RGS6: variants seen among roughly 807,000 people sequenced by gnomAD.
RGS6 encodes the protein regulator of G-protein signaling 6.
RGS6 carries 30 observed loss-of-function variants against 78.5 expected under a neutral mutation model. The observed-to-expected ratio is 0.38, with a 90% CI of 0.29 to 0.52. The LOEUF (loss-of-function observed/expected upper bound fraction) is 0.52. Ranked by LOEUF, RGS6 falls within the 20% of genes least tolerant of loss-of-function variation. The probability of loss-of-function intolerance (pLI) is 0.85; values close to 1 mark genes in which losing one functional copy is unlikely to be tolerated. For synonymous variants in RGS6, 206 were observed against 206.0 expected, an observed-to-expected ratio of 1.00 and a Z score of 0.00; for missense variants, 495 against 609.7, an observed-to-expected ratio of 0.81 and a Z score of 1.98.
intron 2 of RGS6, among the ~76,000 whole-genome samples, chr14:71,982,402 C>T (rs12896825): frequency 0.15 from 23,270 of 152,200 alleles, 2,169 homozygotes; most frequent in Non-Finnish European, 0.2. Context: ...TACGTTACTT[C>T]TGAGAGAACT....
intron 3 of RGS6, among the ~76,000 whole-genome samples, chr14:72,390,925 C>T (rs1370636464): frequency 6.6e-6 from 1 of 152,176 alleles, no homozygotes; most frequent in Non-Finnish European, 1.5e-5. Flanking sequence ...CTGGCTTCTT[C>T]CTTTTGGAGC....
intron 2 of RGS6, among the ~76,000 whole-genome samples, chr14:72,053,781 G>A (rs1338837453): frequency 6.6e-6 from 1 of 152,166 alleles, no homozygotes; most frequent in Non-Finnish European, 1.5e-5. Context: ...ATCTCTCCAC[G>A]AAATTGATCT....
rs549995042 is a variant in RGS6 at position 72,343,727 on chromosome 14, C to T, written c.85-8368C>T. Among the ~76,000 whole-genome samples, 3 of 152,308 alleles carry T rather than the reference C, an allele frequency of 2.0e-5. No individual in the cohort carries two copies. In the East Asian group the frequency reaches 5.8e-4, roughly 30 times the overall value. On this transcript the variant is annotated intron_variant, in intron 2 of 17. Coordinates refer to ENST00000553525, the MANE Select transcript of RGS6 (RefSeq NM_001204424.2). Reference sequence around the variant, plus strand: ...CAGCTGATGTGGTGATCCATGGAGCCAGCTCTGGTTCATGCCAATAATCTC... The same window carrying T: ...CAGCTGATGTGGTGATCCATGGAGCTAGCTCTGGTTCATGCCAATAATCTC...
intron 15 of RGS6, among the ~76,000 whole-genome samples, chr14:72,534,966 G>T (rs1417570926): frequency 2.0e-5 from 3 of 152,156 alleles, no homozygotes; most frequent in Admixed American, 6.5e-5. Context: ...TAACTAACAA[G>T]CCCGCCCTCC....
chr14:72,200,470 G>T (rs761303788), intron 2 of RGS6, among the ~76,000 whole-genome samples: 1 of 152,144 alleles, frequency 6.6e-6, no homozygotes, highest in African/African-American at 2.4e-5. Flanking sequence ...TTCTTCCAAG[G>T]GTGTTTGCAC....
intron 2 of RGS6, among the ~76,000 whole-genome samples, chr14:72,076,185 A>G (rs1474161893): frequency 6.6e-6 from 1 of 152,230 alleles, no homozygotes; most frequent in African/African-American, 2.4e-5. Context: ...TGCGCCCTCC[A>G]CAGGCACCTT....
chr14:72,265,456 T>C (rs1174801198), intron 2 of RGS6, among the ~76,000 whole-genome samples: 2 of 152,276 alleles, frequency 1.3e-5, no homozygotes, highest in East Asian at 1.9e-4. Flanking sequence ...GAAGACCTCT[T>C]GGGAACCACA....
intron 2 of RGS6, among the ~76,000 whole-genome samples, chr14:72,146,459 C>G (rs2096608506): frequency 1.3e-5 from 2 of 152,206 alleles, no homozygotes; most frequent in African/African-American, 2.4e-5. Context: ...ATAGTCTCAT[C>G]TAAATCAGAT....
At position 72,303,798 on chromosome 14, in the gene RGS6, C is replaced by A. The variant is rs184256521; in HGVS notation, c.85-48297C>A. ...CATATTAGCATCCATATGCTACTTT[C>A]ATCTAAAAAGTAGCATACTCTCCAC... On this transcript the variant is annotated intron_variant, in intron 2 of 17. Transcript: ENST00000553525. Among the ~76,000 whole-genome samples, 35 of 152,272 alleles carry A rather than the reference C, an allele frequency of 2.3e-4. 1 individual carries two copies. The East Asian group carries it at 6.8e-3, about 29-fold the overall frequency.
intron 2 of RGS6, among the ~76,000 whole-genome samples, chr14:72,129,011 G>A (rs962040635): frequency 5.3e-5 from 8 of 152,244 alleles, no homozygotes; most frequent in African/African-American, 7.2e-5. Flanking sequence ...TTTTAAAAAA[G>A]GTGTAAAGCC....
At chr14:72,391,613 A>G (rs1252687637) in intron 3 of RGS6, among the ~76,000 whole-genome samples, 1 of 152,164 alleles carries the variant, frequency 6.6e-6, no homozygotes, top group Admixed American at 6.5e-5. Context: ...GTATATACAC[A>G]CACACTTTAA....
chr14:71,935,614 G>A (rs2088987076), intron 1 of RGS6, among the ~76,000 whole-genome samples: 1 of 152,002 alleles, frequency 6.6e-6, no homozygotes, highest in Non-Finnish European at 1.5e-5. Flanking sequence ...AATGCTTGGG[G>A]CTTCCTTTTG....
chr14:72,503,184 C>T (rs944082525), intron 13 of RGS6, among the ~76,000 whole-genome samples: 1 of 152,098 alleles, frequency 6.6e-6, no homozygotes, highest in African/African-American at 2.4e-5. Flanking sequence ...ACACTAATCC[C>T]ACTCCACGTG....
rs1331400346 is a variant in RGS6 at position 72,202,969 on chromosome 14, G to T, written c.85-149126G>T. Among the ~76,000 whole-genome samples the T allele has an allele frequency of 2.0e-5, 3 of 151,960 alleles. No individual in the cohort carries two copies. In the South Asian group the frequency reaches 6.2e-4, roughly 32 times the overall value. On this transcript the variant is annotated intron_variant, in intron 2 of 17. Coordinates refer to ENST00000553525, the MANE Select transcript of RGS6 (RefSeq NM_001204424.2). ...CTCACTGCAAGCTCCGCAGGAGAAT[G>T]GTTCACGCCATTCTCCTGCCTCAGC...
chr14:72,555,427 G>C (rs1417269995), intron 17 of RGS6, among the ~76,000 whole-genome samples: 1 of 152,232 alleles, frequency 6.6e-6, no homozygotes, highest in Non-Finnish European at 1.5e-5. Context: ...TGGGATGAGG[G>C]GAAGCCGCTT....
intron 3 of RGS6, among the ~76,000 whole-genome samples, chr14:72,372,984 G>C (rs1428003175): frequency 6.6e-6 from 1 of 152,162 alleles, no homozygotes; most frequent in Non-Finnish European, 1.5e-5. Context: ...TGCTTAAGGA[G>C]AAATATATGG....
chr14:72,045,924 A>G (rs919250066), intron 2 of RGS6, among the ~76,000 whole-genome samples: 2 of 152,046 alleles, frequency 1.3e-5, no homozygotes, highest in Non-Finnish European at 2.9e-5. Context: ...CACCCCGCCA[A>G]GTTTATATGT....
intron 3 of RGS6, among the ~76,000 whole-genome samples, chr14:72,413,382 G>T (rs1357450843): frequency 6.6e-6 from 1 of 152,094 alleles, no homozygotes; most frequent in Non-Finnish European, 1.5e-5. Flanking sequence ...CAGAGACTAG[G>T]ATTGCAACCC....
intron 2 of RGS6, among the ~76,000 whole-genome samples, chr14:72,000,359 G>T (rs954952814): frequency 9.2e-5 from 14 of 152,146 alleles, no homozygotes; most frequent in African/African-American, 2.9e-4. Flanking sequence ...AACAATACTT[G>T]GGAAATTTGA....
Sources: allele counts gnomAD v4.1 joint callset (sites outside exome capture counted in the v4.1 genomes callset), GRCh38; gene constraint gnomAD v4.1.1; transcripts MANE v1.5; gene names NCBI Gene and HGNC (gene_info 2026-07-23, HGNC 2026-07-21).